Variants in DSP observed in about 807,000 individuals in gnomAD.
DSP encodes 250/210 kDa paraneoplastic pemphigus antigen.
In DSP, 114 loss-of-function variants were observed where a neutral mutation model predicts 290.6. That is an observed-to-expected ratio of 0.39 (90% confidence interval 0.34 to 0.46). DSP has a LOEUF of 0.46. Ranked by LOEUF, DSP falls within the 20% of genes least tolerant of loss-of-function variation. DSP has a pLI of 0.99. For missense variants in DSP, 3,230 were observed against 3,495.8 expected (o/e 0.92, Z 1.92); for synonymous variants, 1,311 against 1,316.4 (o/e 1.00, Z 0.09).
intron 4 of DSP, among the ~76,000 whole-genome samples, chr6:7,560,150 C>A (rs1380947973): frequency 1.3e-5 from 2 of 152,186 alleles, no homozygotes; most frequent in Non-Finnish European, 2.9e-5. Flanking sequence ...TACTCCTAAC[C>A]CTTCCCTTGA....
Position 7,570,484 on chromosome 6 carries a change from A to G in DSP, c.1622A>G (p.Tyr541Cys). 6.2e-7 allele frequency: 1 copy of G among 1,614,140 alleles called. No individual in the cohort carries two copies. The highest frequency in any genetic ancestry group is 8.5e-7 in the Non-Finnish European group (1 of 1,180,000). The change falls in exon 13 of 24, where the codon TAC becomes TGC. Residue 541 changes from tyrosine (Y) to cysteine (C), a missense_variant. Around this residue, in one of 5 missense-constraint regions of DSP, gnomAD observed 81 missense variants for 130.5 expected, o/e 0.62. Transcript: ENST00000379802. ...ATCTTGGCTCTGTGGAACCAGCTCT[A>G]CATCAACATGAAGAGCCTGGTGTCC... ...EAILALWNQL[Y>C]INMKSLVSWH...
chr6:7,580,845 A>G lies in DSP; in HGVS notation c.4655A>G (p.Lys1552Arg), dbSNP rs1213851894. The G allele has an allele frequency of 6.2e-7, 1 of 1,614,184 alleles. No individual in the cohort carries two copies. Among genetic ancestry groups the G allele is most frequent in the Non-Finnish European group, 8.5e-7 (1 of 1,180,040 alleles). ...AGGGTTTCCCAGGAGAGGACTGTGA[A>G]GGACCAGGATATCACGCGGTTCCAG... ...YERVSQERTVKDQDITRFQNS... is the reference protein window; with the variant it reads ...YERVSQERTVRDQDITRFQNS... The change falls in exon 23 of 24, where the codon AAG becomes AGG. Residue 1552 changes from lysine to arginine, a missense_variant. By Grantham distance (26) the Lys-to-Arg change is conservative (BLOSUM62 2). Transcript: ENST00000379802. The surrounding 1 kb of genome is among the most constrained non-coding windows in gnomAD (Gnocchi z 4.2).
intron 20 of DSP, among the ~76,000 whole-genome samples, chr6:7,577,465 A>G (rs927486375): frequency 6.6e-6 from 1 of 152,184 alleles, no homozygotes; most frequent in African/African-American, 2.4e-5. Context: ...AGTAGCTGGG[A>G]TTACAGGCAT....
Position 7,558,507 on chromosome 6 carries a change from C to CTTT in DSP, c.422+266_422+268dup, listed in dbSNP as rs145193988. 1.9e-3 allele frequency among the ~76,000 whole-genome samples: 199 copies of CTTT among 104,524 alleles called. 1 individual carries two copies. Among genetic ancestry groups the CTTT allele is most frequent in the Middle Eastern group, 7.6e-3 (1 of 132 alleles). The allele number at this position is 104,524 out of a possible 152,430, so 68.6% of individuals were successfully genotyped here. A position where few individuals can be genotyped will look rare whatever the true frequency, so the allele number is the denominator to read the frequency against. ...GAAAGCCCTTTGGCATGGCATTTGA[C>CTTT]TTTTTTTTTTTTTTTTTTTTTTTTT... On this transcript the variant is annotated intron_variant, in intron 3 of 23. Coordinates refer to ENST00000379802, the MANE Select transcript of DSP (RefSeq NM_004415.4).
In DSP at chr6:7,580,425, T is replaced by A; in HGVS notation, c.4235T>A (p.Leu1412Gln). 3 of 1,613,466 alleles carry A rather than the reference T, an allele frequency of 1.9e-6. No homozygotes were observed. Among genetic ancestry groups the A allele is most frequent in the Non-Finnish European group, 2.5e-6 (3 of 1,179,866 alleles). ...AGCTTATCTGAAGAAATAAAGAGGCTGAAGAACACTCTAACCCAGACCACA... is the reference window on the plus strand; with the variant it reads ...AGCTTATCTGAAGAAATAAAGAGGCAGAAGAACACTCTAACCCAGACCACA... The part of the protein sequence containing the change: ...NRSLSEEIKR[L>Q]KNTLTQTTEN... The change falls in exon 23 of 24, where the codon CTG becomes CAG. Residue 1412 changes from leucine to glutamine, a missense_variant. Coordinates refer to ENST00000379802, the MANE Select transcript of DSP (RefSeq NM_004415.4). This position sits in a 1 kb window ranked among gnomAD's most constrained non-coding sequence, Gnocchi z 4.2.
In DSP at chr6:7,569,325, T is replaced by C; in HGVS notation, c.1559T>C (p.Val520Ala). 1 of 1,614,172 alleles carries C rather than the reference T, an allele frequency of 6.2e-7. No homozygotes were observed. The highest frequency in any genetic ancestry group is 8.5e-7 in the Non-Finnish European group (1 of 1,180,028). ...ATCCCTCCTCCGAACCCACTGGCCG[T>C]GGACCTCTCTTGCAAGTAAGTCATC... ...LIIPPPNPLA[V>A]DLSCKIEQYY... is the part of the protein sequence containing the mutation. The change falls in exon 12 of 24, where the codon GTG becomes GCG. Residue 520 changes from valine (V) to alanine (A), a missense_variant. By Grantham distance (64) the Val-to-Ala change is moderately conservative. Coordinates refer to ENST00000379802, the MANE Select transcript of DSP (RefSeq NM_004415.4).
chr6:7,585,282 G>A lies in DSP; in HGVS notation c.8020G>A (p.Ala2674Thr), dbSNP rs397516961. 6.2e-7 allele frequency: 1 copy of A among 1,614,148 alleles called. No homozygotes were observed. Among genetic ancestry groups the A allele is most frequent in the Non-Finnish European group, 8.5e-7 (1 of 1,180,026 alleles). Residue 2674 changes from alanine (A) to threonine (T), a missense_variant, in exon 24 of 24, where the codon GCA (alanine) becomes ACA (threonine). Ala to Thr is a moderately conservative substitution (Grantham distance 58). Around this residue, in one of 5 missense-constraint regions of DSP, gnomAD observed 582 missense variants for 555.4 expected, o/e 1.05. Transcript: ENST00000379802. ...GGGCCAGAAGCTGTCACTTCAGGAC[G>A]CAGTCTCCCAGGGTGTGATTGACCA... ...TTGQKLSLQD[A>T]VSQGVIDQDM...
chr6:7,565,665 C>A lies in DSP; in HGVS notation c.939+145C>A. ...TTTGAAATGGTCGTGAAAAATCCTT[C>A]CTTCCTGAAAACTTCTCCGTGTGGA... On this transcript the variant is annotated intron_variant, in intron 7 of 23. Transcript: ENST00000379802. This position sits in a 1 kb window ranked among gnomAD's most constrained non-coding sequence, Gnocchi z 4.2. 8.5e-7 allele frequency: 1 copy of A among 1,171,800 alleles called. No individual in the cohort carries two copies. Among genetic ancestry groups the A allele is most frequent in the Non-Finnish European group, 1.2e-6 (1 of 819,922 alleles). The allele number at this position is 1,171,800 out of a possible 1,614,324, so 72.6% of individuals were successfully genotyped here.
intron 6 of DSP, 51 bp downstream of exon 6, chr6:7,563,837 A>C (rs769393246): frequency 2.1e-5 from 33 of 1,537,554 alleles, no homozygotes; most frequent in Non-Finnish European, 2.9e-5. Context: ...TTTCCAATTC[A>C]ATTCAGTTCA....
chr6:7,576,034 TC>T (rs1227627539), intron 18 of DSP, among the ~76,000 whole-genome samples: 2 of 152,240 alleles, frequency 1.3e-5, no homozygotes, highest in African/African-American at 4.8e-5. Context: ...TCTATTTTTT[TC>T]ATGTGTTTTT....
In DSP at chr6:7,565,048, G is replaced by A. The variant is rs1033313778; in HGVS notation, c.778-311G>A. ...AATCCCACCTACTCGGGAAGCTGAG[G>A]CAGGAGAATCGCTTAAACCCGGGAG... On this transcript the variant is annotated intron_variant, in intron 6 of 23. Coordinates refer to ENST00000379802, the MANE Select transcript of DSP (RefSeq NM_004415.4). This position sits in a 1 kb window ranked among gnomAD's most constrained non-coding sequence, Gnocchi z 4.2. 6.6e-6 allele frequency among the ~76,000 whole-genome samples: 1 copy of A among 152,166 alleles called. No individual in the cohort carries two copies. The highest frequency in any genetic ancestry group is 2.4e-5 in the African/African-American group (1 of 41,452).
rs2113704844 is a variant in DSP, at chr6:7,585,578, A to G, written c.8316A>G (p.Lys2772=). 1.9e-6 allele frequency: 3 copies of G among 1,614,164 alleles called. No individual in the cohort carries two copies. The South Asian group carries it at 3.3e-5, about 18-fold the overall frequency. The part of the protein sequence containing the change: ...QRLQDTSSYA[K]ILTCPKTKLK... ...TGCAAGACACCAGCAGCTATGCCAA[A>G]ATCCTGACCTGCCCCAAAACCAAAT... The change falls in exon 24 of 24, where the codon AAA becomes AAG. Residue 2772 remains lysine, a synonymous_variant. Transcript: ENST00000379802.
chr6:7,567,846 G>C lies in DSP; in HGVS notation c.1206G>C (p.Lys402Asn). Reference protein sequence around the residue: ...LKGLQDSIRKKYPCDKNMPLQ... With the variant: ...LKGLQDSIRKNYPCDKNMPLQ... ...GGCTCCAGGACTCCATCAGGAAGAA[G>C]TACCCCTGCGACAAGAACATGCCCC... is the stretch of plus-strand genomic sequence containing the variant. The change falls in exon 10 of 24, where the codon AAG becomes AAC. Residue 402 changes from lysine (K) to asparagine (N), a missense_variant. Transcript: ENST00000379802. 1 of 1,614,098 alleles carries C rather than the reference G, an allele frequency of 6.2e-7. No homozygotes were observed. Among genetic ancestry groups the C allele is most frequent in the South Asian group, 1.1e-5 (1 of 91,084 alleles).
intron 1 of DSP, 42 bp downstream of exon 1, chr6:7,542,127 G>C: frequency 1.9e-6 from 3 of 1,548,722 alleles, no homozygotes; most frequent in Admixed American, 3.9e-5. Context: ...GGGCTCGCGG[G>C]ACAGGGAGGG....
In DSP at chr6:7,579,960, A is replaced by G. The variant is rs1561697968; in HGVS notation, c.3770A>G (p.Asn1257Ser). The G allele has an allele frequency of 3.7e-6, 6 of 1,614,188 alleles. No individual in the cohort carries two copies. Among genetic ancestry groups the G allele is most frequent in the Non-Finnish European group, 4.2e-6 (5 of 1,180,026 alleles). ...RDLKDEIVRL[N>S]DSILQATEQR... ...CTGAAGGATGAAATTGTCAGGCTCAATGACAGCATCTTGCAGGCCACTGAG... is the reference window on the plus strand; with the variant it reads ...CTGAAGGATGAAATTGTCAGGCTCAGTGACAGCATCTTGCAGGCCACTGAG... Residue 1257 changes from asparagine to serine, a missense_variant, in exon 23 of 24, where the codon AAT becomes AGT. Asn to Ser is a conservative substitution (Grantham distance 46). This residue lies in a region of DSP where 1,714 missense variants were observed against 1,844.5 expected (regional missense o/e 0.93). Coordinates refer to ENST00000379802, the MANE Select transcript of DSP (RefSeq NM_004415.4). The surrounding 1 kb of genome is among the most constrained non-coding windows in gnomAD (Gnocchi z 4.1).
In DSP at chr6:7,541,924, C is replaced by T. The variant is rs769032973; in HGVS notation, c.9C>T (p.Cys3=). The T allele has an allele frequency of 5.0e-6, 8 of 1,608,726 alleles. No individual in the cohort carries two copies. Among genetic ancestry groups the T allele is most frequent in the Non-Finnish European group, 5.1e-6 (6 of 1,178,600 alleles). The change falls in exon 1 of 24, where the codon TGC becomes TGT. Residue 3 remains cysteine (C), a synonymous_variant. Transcript: ENST00000379802. ...CCCGATTGCCCGCCGACATGAGCTG[C>T]AACGGAGGCTCCCACCCGCGGATCA... MS[C]NGGSHPRINT... is the part of the protein sequence containing the mutation.
At chr6:7,567,581 G>A (rs1287226514) in intron 9 of DSP, 132 bp downstream of exon 9, 4 of 1,142,782 alleles carry the variant, frequency 3.5e-6, no homozygotes, top group Admixed American at 3.8e-5. Context: ...TGAGTGCAGA[G>A]TAGCATAGAT....
intron 13 of DSP, 24 bp downstream of exon 13, chr6:7,570,587 C>T (rs1409900824): frequency 3.7e-6 from 6 of 1,612,058 alleles, no homozygotes; most frequent in Non-Finnish European, 4.2e-6. Context: ...GCCACTTAGG[C>T]TGCCTGGAGG....
chr6:7,570,670 G>A (rs1319669398), intron 13 of DSP, 107 bp downstream of exon 13: 2 of 1,528,960 alleles, frequency 1.3e-6, no homozygotes, highest in South Asian at 1.1e-5. Flanking sequence ...GTGCTTTTGT[G>A]TCTCGTCAAG....
Sources: gnomAD v4.1 joint callset for allele counts (sites outside exome capture counted in the v4.1 genomes callset) on GRCh38, gnomAD v4.1.1 for gene constraint, gnomAD v4.1.1 regional missense constraint, Gnocchi (gnomAD v3.1) non-coding constraint, MANE v1.5 for transcripts, NCBI Gene and HGNC (gene_info 2026-07-23, HGNC 2026-07-21) for gene names.